The following SOX5 variants were observed in gnomAD, a reference collection of about 807,000 sequenced individuals.
SOX5 encodes transcription factor SOX-5.
SOX5 carries 9 observed loss-of-function variants against 92.0 expected under a neutral mutation model. The observed-to-expected ratio is 0.10, with a 90% confidence interval of 0.06 to 0.17. The LOEUF is 0.17. SOX5 is among the 10% of genes least tolerant of loss of function. The pLI, the probability that SOX5 is intolerant of heterozygous loss-of-function variation, is 1.00. For synonymous variants in SOX5, 344 were observed against 336.3 expected (o/e 1.02, Z -0.25); for missense variants, 642 against 944.5 (o/e 0.68, Z 4.20).
At chr12:23,982,856 T>C (rs114533246) in intron 4 of SOX5, among the ~76,000 whole-genome samples, 2,328 of 152,256 alleles carry the variant, frequency 0.015, 52 homozygotes, top group African/African-American at 0.053. Context: ...ATCCAGTATA[T>C]AGGTAGCACA....
intron 4 of SOX5, among the ~76,000 whole-genome samples, chr12:24,050,781 T>C (rs1270182394): frequency 2.0e-5 from 3 of 152,144 alleles, no homozygotes; most frequent in Non-Finnish European, 2.9e-5. Flanking sequence ...GTAAGAAATA[T>C]AAGAAATATA....
At chr12:24,277,517 T>C (rs1565810837) in intron 2 of SOX5, among the ~76,000 whole-genome samples, 1 of 136,968 alleles carries the variant, frequency 7.3e-6, no homozygotes, top group Non-Finnish European at 1.6e-5. Context: ...TATAAATATA[T>C]ATTTATATGT....
At chr12:24,122,065 T>C (rs767143429) in intron 4 of SOX5, among the ~76,000 whole-genome samples, 6 of 152,084 alleles carry the variant, frequency 3.9e-5, no homozygotes, top group Non-Finnish European at 8.8e-5. Context: ...TGATTCAGCT[T>C]ACACAATTCT....
intron 1 of SOX5, among the ~76,000 whole-genome samples, chr12:24,495,427 T>C (rs1247428766): frequency 6.6e-6 from 1 of 152,234 alleles, no homozygotes; most frequent in Non-Finnish European, 1.5e-5. Context: ...CCAAAAGGTA[T>C]GTAAAGTATT....
At chr12:23,863,380 CA>C in intron 2 of SOX5, among the ~76,000 whole-genome samples, 1 of 152,292 alleles carries the variant, frequency 6.6e-6, no homozygotes, top group East Asian at 1.9e-4. Context: ...TTCTTTCTAA[CA>C]GACCTATGAG....
intron 6 of SOX5, among the ~76,000 whole-genome samples, chr12:23,704,711 T>C (rs1283600351): frequency 2.4e-4 from 29 of 119,262 alleles, no homozygotes; most frequent in Admixed American, 4.9e-4. Flanking sequence ...TATATATATA[T>C]ATATACACAC....
chr12:23,949,450 C>A, intron 1 of SOX5, 114 bp downstream of exon 1: 1 of 1,281,484 alleles, frequency 7.8e-7, no homozygotes, highest in Non-Finnish European at 1.1e-6. Context: ...GAAGCCCTAG[C>A]TAAAGGCTTC....
chr12:24,174,783 G>C (rs189638190), intron 4 of SOX5, among the ~76,000 whole-genome samples: 3 of 151,866 alleles, frequency 2.0e-5, no homozygotes, highest in Non-Finnish European at 2.9e-5. Context: ...TTGTGCCGTT[G>C]CACTCCAGCC....
At chr12:23,911,468 CA>C (rs1226362177) in intron 1 of SOX5, among the ~76,000 whole-genome samples, 12 of 152,156 alleles carry the variant, frequency 7.9e-5, no homozygotes, top group Admixed American at 2.6e-4. Flanking sequence ...CAAAAATGAA[CA>C]GCAGAGCCTT....
At chr12:23,848,725 C>G (rs940426022) in intron 2 of SOX5, among the ~76,000 whole-genome samples, 3 of 152,152 alleles carry the variant, frequency 2.0e-5, no homozygotes, top group African/African-American at 7.2e-5. Context: ...AGAGAACCAG[C>G]TAACATAAGC....
chr12:23,801,570 C>T (rs1358680505), intron 3 of SOX5, among the ~76,000 whole-genome samples: 1 of 152,010 alleles, frequency 6.6e-6, no homozygotes. Context: ...TTAATGTAGT[C>T]AAATATTAGG....
At chr12:24,179,988 C>T (rs559429746) in intron 4 of SOX5, among the ~76,000 whole-genome samples, 3 of 151,660 alleles carry the variant, frequency 2.0e-5, no homozygotes, top group Non-Finnish European at 2.9e-5. Flanking sequence ...CACTCCATTG[C>T]CCAGGTTATG....
intron 4 of SOX5, among the ~76,000 whole-genome samples, chr12:23,978,237 T>G (rs776064267): frequency 3.3e-5 from 5 of 152,198 alleles, no homozygotes; most frequent in Non-Finnish European, 7.3e-5. Context: ...TGTCTTTCAG[T>G]CATAAAAAAT....
intron 3 of SOX5, among the ~76,000 whole-genome samples, chr12:24,235,257 C>T (rs2139994155): frequency 6.6e-6 from 1 of 152,274 alleles, no homozygotes; most frequent in Non-Finnish European, 1.5e-5. Flanking sequence ...AGCTTAGCAG[C>T]TCAGAGGCAT....
At chr12:24,413,188 C>G (rs1306590041) in intron 1 of SOX5, among the ~76,000 whole-genome samples, 1 of 152,128 alleles carries the variant, frequency 6.6e-6, no homozygotes, top group East Asian at 1.9e-4. Context: ...GTCTATTTCT[C>G]CTTTCAATTT....
chr12:23,943,723 A>G (rs894733846), intron 1 of SOX5, among the ~76,000 whole-genome samples: 3 of 152,112 alleles, frequency 2.0e-5, no homozygotes, highest in African/African-American at 7.2e-5. Context: ...TTCAAATACA[A>G]TGAGCCGAGT....
intron 4 of SOX5, among the ~76,000 whole-genome samples, chr12:24,027,436 C>T (rs1406988120): frequency 2.0e-5 from 3 of 151,902 alleles, no homozygotes; most frequent in African/African-American, 7.2e-5. Context: ...TCACTGAAAC[C>T]CCAAAGCTAG....
At chr12:24,059,156 TTCA>T (rs1374407403) in intron 4 of SOX5, among the ~76,000 whole-genome samples, 1 of 152,244 alleles carries the variant, frequency 6.6e-6, no homozygotes, top group Non-Finnish European at 1.5e-5. Flanking sequence ...ACATTTTATG[TTCA>T]TCATTAGAGT....
intron 6 of SOX5, among the ~76,000 whole-genome samples, chr12:23,719,799 A>AAAC (rs1555289185): frequency 2.0e-5 from 3 of 149,006 alleles, no homozygotes; most frequent in Non-Finnish European, 1.5e-5. Flanking sequence ...AAAAAAAAAA[A>AAAC]AAAAAAAAAA....
Sources: allele counts gnomAD v4.1 joint callset (sites outside exome capture counted in the v4.1 genomes callset), GRCh38; gene constraint gnomAD v4.1.1; transcripts MANE v1.5; gene names NCBI Gene and HGNC (gene_info 2026-07-23, HGNC 2026-07-21).